The following GRIA4 variants were observed in gnomAD, a reference collection of about 807,000 sequenced individuals.
The protein encoded by GRIA4 is glutamate ionotropic receptor AMPA type subunit 4.
A neutral mutation model predicts 104.0 loss-of-function variants in GRIA4; 34 were observed. The observed-to-expected ratio is 0.33, with a 90% CI of 0.25 to 0.44. GRIA4 has a LOEUF of 0.44. Ranked by LOEUF, GRIA4 falls within the 20% of genes least tolerant of loss-of-function variation. The pLI is 1.00. For missense variants in GRIA4, 750 were observed against 1,096.5 expected (o/e 0.68, Z 4.46); for synonymous variants, 386 against 381.9 (o/e 1.01, Z -0.13).
intron 1 of GRIA4, 29 bp from the exon 2 acceptor site, chr11:105,610,879 T>C (rs1462669423): frequency 1.1e-5 from 5 of 475,852 alleles, no homozygotes; most frequent in African/African-American, 4.1e-5. Context: ...TCTTTTTTTT[T>C]TTTTTTTTTT....
Position 105,887,523 on chromosome 11 carries a change from TA to T in GRIA4, c.679del (p.Ser227ValfsTer46). On this transcript the variant is annotated frameshift_variant, in exon 6 of 17. Transcript: ENST00000282499. LOFTEE classifies it high-confidence loss of function. ...TATTTGCTTATATCTTCACAGATTGTAAGTGTTGGAAAGCATGTTAAAGGCT... is the reference window on the plus strand; with the variant it reads ...TATTTGCTTATATCTTCACAGATTGTAGTGTTGGAAAGCATGTTAAAGGCT... ...ERLQNILEQI[V>X]SVGKHVKGYH... The T allele has an allele frequency of 1.5e-6, 2 of 1,368,292 alleles. No homozygotes were observed. Among genetic ancestry groups the T allele is most frequent in the Non-Finnish European group, 2.1e-6 (2 of 971,326 alleles). The allele number at this position is 1,368,292 out of a possible 1,614,324, so 84.8% of individuals were successfully genotyped here. A position where few individuals can be genotyped will look rare whatever the true frequency, so the allele number is the denominator to read the frequency against.
intron 4 of GRIA4, among the ~76,000 whole-genome samples, chr11:105,763,499 G>C (rs1489669409): frequency 6.6e-6 from 1 of 152,122 alleles, no homozygotes; most frequent in East Asian, 1.9e-4. Flanking sequence ...TAGCCCTAAA[G>C]ATTTTTATTG....
chr11:105,966,111 G>A, intron 14 of GRIA4: 1 of 1,257,124 alleles, frequency 8.0e-7, no homozygotes, highest in Non-Finnish European at 1.2e-6. Flanking sequence ...AAAGTAATAG[G>A]TGCATCTGCT....
chr11:105,755,367 C>T (rs572857569), intron 4 of GRIA4, among the ~76,000 whole-genome samples: 31 of 152,198 alleles, frequency 2.0e-4, no homozygotes, highest in African/African-American at 7.0e-4. Flanking sequence ...ATAAATCACT[C>T]CAGGGAACTC....
rs138914232 is a variant in GRIA4 at position 105,881,044 on chromosome 11, G to A, written c.673-6475G>A. ...TTGGGAAGTAAAGAACAGGCTGGAA[G>A]AGGAGTAGAGAAATTTAGTCAATGA... On this transcript the variant is annotated intron_variant, in intron 5 of 16. Transcript: ENST00000282499. Among the ~76,000 whole-genome samples, 538 of 152,328 alleles carry A rather than the reference G, an allele frequency of 3.5e-3. 5 individuals are homozygous for A. The highest frequency in any genetic ancestry group is 0.011 in the Admixed American group (165 of 15,296).
intron 4 of GRIA4, among the ~76,000 whole-genome samples, chr11:105,833,141 C>A (rs779491026): frequency 1.1e-4 from 17 of 151,888 alleles, no homozygotes; most frequent in Non-Finnish European, 1.3e-4. Flanking sequence ...TATTTCTATG[C>A]AGTTTTCCTT....
intron 2 of GRIA4, 113 bp downstream of exon 2, chr11:105,611,198 CCT>C (rs1427112094): frequency 4.1e-6 from 3 of 740,692 alleles, no homozygotes; most frequent in Non-Finnish European, 7.3e-6. Flanking sequence ...GTTCCCTTCC[CCT>C]CTGTTTCCCT....
chr11:105,956,670 G>C (rs1948598912), intron 14 of GRIA4, among the ~76,000 whole-genome samples: 1 of 152,144 alleles, frequency 6.6e-6, no homozygotes, highest in African/African-American at 2.4e-5. Flanking sequence ...CTAGATCCTT[G>C]AGGAATCGCC....
At chr11:105,693,719 C>G (rs1953170226) in intron 3 of GRIA4, among the ~76,000 whole-genome samples, 1 of 152,106 alleles carries the variant, frequency 6.6e-6, no homozygotes, top group Admixed American at 6.6e-5. Flanking sequence ...TTTGACAGCA[C>G]AGTTGGGATT....
chr11:105,829,565 T>C (rs966483012), intron 4 of GRIA4, among the ~76,000 whole-genome samples: 13 of 152,048 alleles, frequency 8.5e-5, no homozygotes, highest in African/African-American at 3.1e-4. Context: ...AATTGAAACA[T>C]GATCAACTAC....
chr11:105,617,935 A>G (rs1343805054), intron 3 of GRIA4, among the ~76,000 whole-genome samples: 1 of 151,994 alleles, frequency 6.6e-6, no homozygotes, highest in Non-Finnish European at 1.5e-5. Context: ...CGGAAATGGG[A>G]AGGATAATTA....
At chr11:105,664,319 T>A (rs1045739553) in intron 3 of GRIA4, among the ~76,000 whole-genome samples, 1 of 148,564 alleles carries the variant, frequency 6.7e-6, no homozygotes, top group African/African-American at 2.5e-5. Flanking sequence ...ACTTGCCGAG[T>A]TTGAGAACAG....
intron 15 of GRIA4, among the ~76,000 whole-genome samples, chr11:105,972,640 A>C (rs1235504015): frequency 6.6e-6 from 1 of 151,880 alleles, no homozygotes; most frequent in African/African-American, 2.4e-5. Flanking sequence ...TCTCTTAATC[A>C]TAAATTCTTT....
chr11:105,648,747 A>G (rs1305276707), intron 3 of GRIA4, among the ~76,000 whole-genome samples: 3 of 152,230 alleles, frequency 2.0e-5, no homozygotes, highest in Non-Finnish European at 2.9e-5. Flanking sequence ...CCTATGCCTG[A>G]TAACTCATGC....
chr11:105,751,922 A>C lies in GRIA4; in HGVS notation c.248-1059A>C, dbSNP rs143880311. On this transcript the variant is annotated intron_variant, in intron 3 of 16. Coordinates refer to ENST00000282499, the MANE Select transcript of GRIA4 (RefSeq NM_000829.4). Reference sequence around the variant, plus strand: ...AAAACATAAAAATTTTATAGACCTAAACACTTCTTAATCTAGCTACATAAG... The same window carrying C: ...AAAACATAAAAATTTTATAGACCTACACACTTCTTAATCTAGCTACATAAG... Among the ~76,000 whole-genome samples the C allele has an allele frequency of 3.9e-3, 597 of 152,278 alleles. 5 individuals are homozygous for C. Among genetic ancestry groups the C allele is most frequent in the African/African-American group, 0.013 (548 of 41,564 alleles).
rs575740898 is a variant in GRIA4, at chr11:105,722,053, T to C, written c.248-30928T>C. 2.6e-5 allele frequency among the ~76,000 whole-genome samples: 4 copies of C among 152,316 alleles called. No homozygotes were observed. In the South Asian group the frequency reaches 8.3e-4, roughly 32 times the overall value. ...TTGATATCTTAAAACATGTTCTCTG[T>C]TCTCTTTCCTAATTTGAAATCATGT... On this transcript the variant is annotated intron_variant, in intron 3 of 16. Coordinates refer to ENST00000282499, the MANE Select transcript of GRIA4 (RefSeq NM_000829.4).
At chr11:105,724,616 T>C (rs533451178) in intron 3 of GRIA4, among the ~76,000 whole-genome samples, 25 of 152,054 alleles carry the variant, frequency 1.6e-4, no homozygotes, top group Admixed American at 4.6e-4. Context: ...CATGAAATGA[T>C]AGACACTGGT....
intron 3 of GRIA4, among the ~76,000 whole-genome samples, chr11:105,665,634 TATTA>T (rs1440829836): frequency 1.3e-5 from 2 of 152,016 alleles, no homozygotes; most frequent in Non-Finnish European, 2.9e-5. Flanking sequence ...TAAACAAAGC[TATTA>T]ATTAATTCCT....
intron 13 of GRIA4, among the ~76,000 whole-genome samples, chr11:105,930,895 T>C (rs2136206180): frequency 6.6e-6 from 1 of 152,308 alleles, no homozygotes; most frequent in South Asian, 2.1e-4. Context: ...TGGAGCTCTA[T>C]ACCTTTTTGG....
Sources: allele counts gnomAD v4.1 joint callset (sites outside exome capture counted in the v4.1 genomes callset), GRCh38; gene constraint gnomAD v4.1.1; transcripts MANE v1.5; gene names NCBI Gene and HGNC (gene_info 2026-07-23, HGNC 2026-07-21).